Variants in ANKRD50 observed in about 807,000 individuals in gnomAD.
The protein encoded by ANKRD50 is ankyrin repeat domain-containing protein 50.
ANKRD50 carries 40 observed loss-of-function variants against 112.0 expected under a neutral mutation model. The ratio of observed to expected loss-of-function variants is 0.36; its 90% CI spans 0.28 to 0.46. The LOEUF is 0.46. Ranked by LOEUF, ANKRD50 falls within the 20% of genes least tolerant of loss-of-function variation. The pLI is 1.00. For synonymous variants in ANKRD50, 613 were observed against 619.1 expected (o/e 0.99, Z 0.15); for missense variants, 1,487 against 1,701.7 (o/e 0.87, Z 2.22).
chr4:124,697,916 T>C (rs1032648562), intron 2 of ANKRD50, among the ~76,000 whole-genome samples: 4 of 152,040 alleles, frequency 2.6e-5, no homozygotes, highest in Non-Finnish European at 5.9e-5. Context: ...TTTAGCAACA[T>C]GGAGGTCTTG....
At chr4:124,692,409 T>A (rs1435691968) in intron 2 of ANKRD50, among the ~76,000 whole-genome samples, 2 of 152,162 alleles carry the variant, frequency 1.3e-5, no homozygotes, top group Non-Finnish European at 2.9e-5. Flanking sequence ...TGGGGGGATA[T>A]AATGCATTTG....
At chr4:124,701,828 AC>A (rs1725398819) in intron 2 of ANKRD50, among the ~76,000 whole-genome samples, 1 of 151,984 alleles carries the variant, frequency 6.6e-6, no homozygotes, top group Non-Finnish European at 1.5e-5. Flanking sequence ...ATTTTTAAAA[AC>A]AAAAAAAAAA....
Position 124,696,044 on chromosome 4 carries a change from A to G in ANKRD50, c.512+13956T>C, listed in dbSNP as rs930556840. Among the ~76,000 whole-genome samples, 3 of 152,310 alleles carry G rather than the reference A, an allele frequency of 2.0e-5. No homozygotes were observed. The East Asian group carries it at 5.8e-4, about 29-fold the overall frequency. ...GGATTATAGATTGACAATCTAGAGA[A>G]AAAAGAGATAATAGATGCAGACGAA... On this transcript the variant is annotated intron_variant, in intron 2 of 4. Transcript: ENST00000504087.
rs1470044344 is a variant in ANKRD50 at position 124,664,909 on chromosome 4, A to AT, written c.*2608dup. On this transcript the variant is annotated 3_prime_UTR_variant, in exon 5 of 5. Coordinates refer to ENST00000504087, the MANE Select transcript of ANKRD50 (RefSeq NM_020337.3). ...ATTCAGATTTTTATTTCATTACTGT[A>AT]TTTTTATCACTTTCCTTATTATAAA... 1 of 151,858 alleles carries AT rather than the reference A, an allele frequency of 6.6e-6. No homozygotes were observed. Among genetic ancestry groups the AT allele is most frequent in the Non-Finnish European group, 1.5e-5 (1 of 67,866 alleles). The allele number at this position is 151,858 out of a possible 1,614,324, so 9.4% of individuals were successfully genotyped here.
intron 2 of ANKRD50, among the ~76,000 whole-genome samples, chr4:124,695,410 G>A (rs904628963): frequency 6.6e-6 from 1 of 152,098 alleles, no homozygotes; most frequent in Non-Finnish European, 1.5e-5. Flanking sequence ...GAACCAAACC[G>A]GCAAAGCTTT....
chr4:124,691,677 T>A (rs1018138890), intron 2 of ANKRD50, among the ~76,000 whole-genome samples: 4 of 152,162 alleles, frequency 2.6e-5, no homozygotes, highest in African/African-American at 9.6e-5. Context: ...AACATTCTGA[T>A]GTCTCATGTA....
intron 2 of ANKRD50, among the ~76,000 whole-genome samples, chr4:124,684,449 C>T: frequency 6.6e-6 from 1 of 152,228 alleles, no homozygotes; most frequent in South Asian, 2.1e-4. Flanking sequence ...CCCAATACTA[C>T]ACTCAATACC....
intron 2 of ANKRD50, among the ~76,000 whole-genome samples, chr4:124,691,498 CAAAAAAAAAAAAAAAAAA>C (rs71583369): frequency 1.7e-5 from 1 of 59,764 alleles, no homozygotes; most frequent in African/African-American, 7.3e-5. Context: ...GACTCCGTCT[CAAAAAAAAAAAAAAAAAA>C]AAAAAAAAGG....
chr4:124,697,792 G>C (rs1249061562), intron 2 of ANKRD50, among the ~76,000 whole-genome samples: 1 of 152,166 alleles, frequency 6.6e-6, no homozygotes, highest in African/African-American at 2.4e-5. Flanking sequence ...TAAGAGGAGA[G>C]AACCAAGTGA....
At chr4:124,668,661 G>A (rs1328892786) in intron 4 of ANKRD50, among the ~76,000 whole-genome samples, 1 of 152,012 alleles carries the variant, frequency 6.6e-6, no homozygotes, top group Non-Finnish European at 1.5e-5. Flanking sequence ...ACTATTCCAA[G>A]TACATGAAAT....
At chr4:124,686,360 G>C (rs34944124) in intron 2 of ANKRD50, among the ~76,000 whole-genome samples, 35,156 of 152,048 alleles carry the variant, frequency 0.23, 4,703 homozygotes, top group Middle Eastern at 0.3. Flanking sequence ...GTGAATTACA[G>C]ACAGAATGTG....
rs748014882 is a variant in ANKRD50, at chr4:124,671,452, G to C, written c.1825C>G (p.Gln609Glu). The C allele has an allele frequency of 6.2e-7, 1 of 1,613,632 alleles. No homozygotes were observed. Among genetic ancestry groups the C allele is most frequent in the African/African-American group, 1.3e-5 (1 of 74,852 alleles). Residue 609 changes from glutamine to glutamate, a missense_variant, in exon 4 of 5, where the codon CAA becomes GAA. Physicochemically the swap from Gln to Glu is conservative, Grantham distance 29. Transcript: ENST00000504087. ...GCGANINHTDQDGWTALRSAA... is the reference protein window; with the variant it reads ...GCGANINHTDEDGWTALRSAA... ...GATCTTAATGCTGTCCAACCATCTT[G>C]ATCAGTATGATTAATATTTGCTCCA...
chr4:124,678,611 T>C, intron 3 of ANKRD50, 65 bp downstream of exon 3: 2 of 1,439,340 alleles, frequency 1.4e-6, no homozygotes, highest in Non-Finnish European at 1.9e-6. Flanking sequence ...TGCATACTTT[T>C]TCCTCTAAGA....
In ANKRD50 at chr4:124,669,335, C is replaced by G. The variant is rs1261999377; in HGVS notation, c.3942G>C (p.Gly1314=). 10 of 1,613,548 alleles carry G rather than the reference C, an allele frequency of 6.2e-6. No homozygotes were observed. Among genetic ancestry groups the G allele is most frequent in the Non-Finnish European group, 1.7e-6 (2 of 1,179,812 alleles). Residue 1314 remains glycine (G), a synonymous_variant, in exon 4 of 5, where the codon GGG becomes GGC. Coordinates refer to ENST00000504087, the MANE Select transcript of ANKRD50 (RefSeq NM_020337.3). ...FDRRGPIAKS[G]TAAPPKQMPA... The stretch of plus-strand genomic sequence containing the variant: ...GCATTTGTTTAGGTGGTGCAGCAGT[C>G]CCGGATTTGGCTATAGGTCCTCTTC...
chr4:124,704,521 A>T (rs1453059258), intron 2 of ANKRD50, among the ~76,000 whole-genome samples: 2 of 152,224 alleles, frequency 1.3e-5, no homozygotes, highest in Admixed American at 1.3e-4. Flanking sequence ...AATAATCACT[A>T]TACCAGTCTG....
intron 3 of ANKRD50, among the ~76,000 whole-genome samples, chr4:124,675,401 A>G (rs575817776): frequency 3.1e-4 from 47 of 151,950 alleles, no homozygotes; most frequent in African/African-American, 1.1e-3. Context: ...CTAAAAATAT[A>G]ACAAGAAGTT....
chr4:124,712,586 C>T lies in ANKRD50; in HGVS notation c.-892G>A. On this transcript the variant is annotated 5_prime_UTR_variant, in exon 1 of 5. Coordinates refer to ENST00000504087, the MANE Select transcript of ANKRD50 (RefSeq NM_020337.3). ...TCCACTCCAACTGCAGCCGCCTCCT[C>T]CGCCGGGCCCGGGGCACGCTCCCAG... 6.5e-6 allele frequency: 1 copy of T among 153,876 alleles called. No homozygotes were observed. The highest frequency in any genetic ancestry group is 1.8e-4 in the South Asian group (1 of 5,664). The allele number at this position is 153,876 out of a possible 1,614,324, so 9.5% of individuals were successfully genotyped here. A position where few individuals can be genotyped will look rare whatever the true frequency, so the allele number is the denominator to read the frequency against.
intron 2 of ANKRD50, among the ~76,000 whole-genome samples, chr4:124,683,395 G>A (rs1724936685): frequency 6.6e-6 from 1 of 151,580 alleles, no homozygotes; most frequent in South Asian, 2.1e-4. Flanking sequence ...ATCAAATCAG[G>A]GTAATCGTGG....
intron 2 of ANKRD50, among the ~76,000 whole-genome samples, chr4:124,696,854 T>TA (rs1294078560): frequency 2.0e-5 from 3 of 152,198 alleles, no homozygotes; most frequent in African/African-American, 7.2e-5. Flanking sequence ...AACACATTGA[T>TA]AGATATAACT....
Sources: gnomAD v4.1 joint callset for allele counts (sites outside exome capture counted in the v4.1 genomes callset) on GRCh38, gnomAD v4.1.1 for gene constraint, MANE v1.5 for transcripts, NCBI Gene and HGNC (gene_info 2026-07-23, HGNC 2026-07-21) for gene names.